VPS8: variants seen among roughly 807,000 people sequenced by gnomAD.
VPS8 encodes the protein vacuolar protein sorting-associated protein 8 homolog.
A neutral mutation model predicts 216.4 loss-of-function variants in VPS8; 129 were observed. That is an observed-to-expected ratio of 0.60 (90% CI 0.52 to 0.69). The LOEUF is 0.69. VPS8 is among the 30% of genes least tolerant of loss of function. The pLI, the probability that VPS8 is intolerant of heterozygous loss-of-function variation, is 0.00. For synonymous variants in VPS8, 571 were observed against 565.4 expected, an observed-to-expected ratio of 1.01 and a Z score of -0.14; for missense variants, 1,531 against 1,683.5, an observed-to-expected ratio of 0.91 and a Z score of 1.59.
chr3:184,975,183 C>T (rs996601897), intron 40 of VPS8, among the ~76,000 whole-genome samples: 3 of 152,082 alleles, frequency 2.0e-5, no homozygotes, highest in Non-Finnish European at 4.4e-5. Flanking sequence ...GATCCATGAG[C>T]ATGGGATGTC....
chr3:185,003,977 C>T (rs1355915756), intron 45 of VPS8, among the ~76,000 whole-genome samples: 23 of 145,924 alleles, frequency 1.6e-4, no homozygotes, highest in African/African-American at 5.3e-4. Flanking sequence ...CGGGCAGAGA[C>T]GCTCCTCACT....
At chr3:184,976,688 T>C (rs1471900933) in intron 40 of VPS8, among the ~76,000 whole-genome samples, 10 of 152,208 alleles carry the variant, frequency 6.6e-5, no homozygotes, top group African/African-American at 2.4e-4. Context: ...AATGATTAGC[T>C]CTCACTTATA....
At chr3:184,822,928 A>G (rs962361089) in intron 1 of VPS8, among the ~76,000 whole-genome samples, 3 of 152,242 alleles carry the variant, frequency 2.0e-5, no homozygotes, top group African/African-American at 4.8e-5. Flanking sequence ...ACACAACCCT[A>G]TAAATAGAAA....
chr3:184,893,255 C>A lies in VPS8; in HGVS notation c.1782-1448C>A, dbSNP rs1352281982. ...CCAGGACTTCAGATGAGTCAAAACCCCATCCTAGTCCTTTCAGGAGCTTCC... is the reference window on the plus strand; with the variant it reads ...CCAGGACTTCAGATGAGTCAAAACCACATCCTAGTCCTTTCAGGAGCTTCC... On this transcript the variant is annotated intron_variant, in intron 22 of 47. Transcript: ENST00000625842. 4.7e-6 allele frequency: 6 copies of A among 1,286,068 alleles called. 1 individual carries two copies. Among genetic ancestry groups the A allele is most frequent in the Non-Finnish European group, 6.1e-6 (6 of 987,412 alleles). The allele number at this position is 1,286,068 out of a possible 1,614,324, so 79.7% of individuals were successfully genotyped here.
At chr3:184,911,471 A>C (rs1204306312) in intron 25 of VPS8, among the ~76,000 whole-genome samples, 1 of 152,236 alleles carries the variant, frequency 6.6e-6, no homozygotes, top group African/African-American at 2.4e-5. Context: ...AGAAACATAC[A>C]CAAGCTACAG....
chr3:184,902,222 A>T (rs1180210422), intron 25 of VPS8, among the ~76,000 whole-genome samples: 1 of 150,542 alleles, frequency 6.6e-6, no homozygotes, highest in Non-Finnish European at 1.5e-5. Flanking sequence ...TCATGCCTGT[A>T]ATCCCAGCAC....
At chr3:184,994,248 C>T (rs933239416) in intron 43 of VPS8, among the ~76,000 whole-genome samples, 185 bp downstream of exon 43, 1 of 151,864 alleles carries the variant, frequency 6.6e-6, no homozygotes, top group Non-Finnish European at 1.5e-5. Context: ...ATACCTGTAA[C>T]GCCAGCACTT....
chr3:185,049,317 C>T (rs915385041), intron 47 of VPS8, among the ~76,000 whole-genome samples: 40 of 152,280 alleles, frequency 2.6e-4, no homozygotes, highest in African/African-American at 8.4e-4. Flanking sequence ...ATGTACTCAT[C>T]GCTTTCTCGA....
At chr3:184,875,134 A>C (rs1729025276) in intron 21 of VPS8, among the ~76,000 whole-genome samples, 1 of 146,566 alleles carries the variant, frequency 6.8e-6, no homozygotes, top group Admixed American at 7.0e-5. Context: ...TATTGGAGAC[A>C]TAAGTAACCT....
chr3:184,851,579 T>C (rs2108660085), intron 10 of VPS8, among the ~76,000 whole-genome samples: 1 of 152,300 alleles, frequency 6.6e-6, no homozygotes. Context: ...AGTTCTGTTA[T>C]TTTTCCTGCA....
At chr3:184,857,070 A>G (rs527896782) in intron 14 of VPS8, among the ~76,000 whole-genome samples, 46 of 152,314 alleles carry the variant, frequency 3.0e-4, no homozygotes, top group Admixed American at 1.6e-3. Flanking sequence ...CTTCCCCACT[A>G]GACAGAAAGC....
At chr3:185,045,762 G>A (rs910144430) in intron 46 of VPS8, among the ~76,000 whole-genome samples, 11 of 103,712 alleles carry the variant, frequency 1.1e-4, no homozygotes, top group African/African-American at 3.7e-4. Flanking sequence ...GCAAGACTCC[G>A]TCTAAAAAAA....
Position 184,853,750 on chromosome 3 carries a change from G to A in VPS8, c.822-107G>A, listed in dbSNP as rs1467471929. 6.2e-6 allele frequency: 7 copies of A among 1,124,846 alleles called. No homozygotes were observed. In the African/African-American group the frequency reaches 9.3e-5, roughly 15 times the overall value. 69.7% of individuals were successfully genotyped at this position (1,124,846 alleles called of 1,614,324 possible). On this transcript the variant is annotated intron_variant, in intron 11 of 47. Coordinates refer to ENST00000625842, the MANE Select transcript of VPS8 (RefSeq NM_001009921.3). ...TGTCCTGTGGAGCTTGGATTGTTGGGGGTTAAGGAGGTAGGAGGTAGGAGG... is the reference window on the plus strand; with the variant it reads ...TGTCCTGTGGAGCTTGGATTGTTGGAGGTTAAGGAGGTAGGAGGTAGGAGG...
intron 45 of VPS8, among the ~76,000 whole-genome samples, chr3:185,022,943 T>C (rs1191274623): frequency 6.6e-6 from 1 of 152,224 alleles, no homozygotes; most frequent in Admixed American, 6.5e-5. Flanking sequence ...GTAAATTCTT[T>C]AACCACTGTT....
At position 184,964,540 on chromosome 3, in the gene VPS8, T is replaced by G; in HGVS notation, c.3256T>G (p.Phe1086Val). Residue 1086 changes from phenylalanine to valine, a missense_variant, in exon 38 of 48, where the codon TTC becomes GTC. By Grantham distance (50) the Phe-to-Val change is conservative (BLOSUM62 -1). Around this residue, in one of 3 missense-constraint regions of VPS8, gnomAD observed 1,318 missense variants for 1,468.4 expected, o/e 0.90. Coordinates refer to ENST00000625842, the MANE Select transcript of VPS8 (RefSeq NM_001009921.3). ...AAAGAAAGGAGATATTCATGGTGCCTTCCTAATAATGTTAGAGGTAACACT... is the reference window on the plus strand; with the variant it reads ...AAAGAAAGGAGATATTCATGGTGCCGTCCTAATAATGTTAGAGGTAACACT... ...LEKKGDIHGA[F>V]LIMLERLQSK... is the part of the protein sequence containing the mutation. 3 of 1,516,664 alleles carry G rather than the reference T, an allele frequency of 2.0e-6. No individual in the cohort carries two copies. Among genetic ancestry groups the G allele is most frequent in the Non-Finnish European group, 2.7e-6 (3 of 1,126,088 alleles). 94.0% of individuals were successfully genotyped at this position (1,516,664 alleles called of 1,614,324 possible). A position where few individuals can be genotyped will look rare whatever the true frequency, so the allele number is the denominator to read the frequency against.
intron 15 of VPS8, 54 bp from the exon 16 acceptor site, chr3:184,862,843 A>G (rs1217727351): frequency 3.2e-6 from 5 of 1,558,772 alleles, no homozygotes; most frequent in Non-Finnish European, 4.4e-6. Context: ...TCTTGACCCA[A>G]ATGATGAAGC....
At chr3:184,828,894 A>G (rs1719387329) in intron 3 of VPS8, among the ~76,000 whole-genome samples, 1 of 152,202 alleles carries the variant, frequency 6.6e-6, no homozygotes, top group Admixed American at 6.5e-5. Flanking sequence ...GTGTCCCTTT[A>G]GTACCCAAAC....
At chr3:185,018,210 A>G (rs113396645) in intron 45 of VPS8, among the ~76,000 whole-genome samples, 2,158 of 152,284 alleles carry the variant, frequency 0.014, 50 homozygotes, top group African/African-American at 0.048. Flanking sequence ...CGGGATTAGC[A>G]TTGTCAAAAG....
At chr3:184,874,878 G>T (rs1728966066) in intron 21 of VPS8, among the ~76,000 whole-genome samples, 1 of 152,040 alleles carries the variant, frequency 6.6e-6, no homozygotes, top group African/African-American at 2.4e-5. Context: ...CTGTCCTATG[G>T]GATTAGCCGT....
Sources: allele counts gnomAD v4.1 joint callset (sites outside exome capture counted in the v4.1 genomes callset), GRCh38; gene constraint gnomAD v4.1.1; regional missense constraint gnomAD v4.1.1; transcripts MANE v1.5; gene names NCBI Gene and HGNC (gene_info 2026-07-23, HGNC 2026-07-21).